Variants in OSBPL1A observed in about 807,000 individuals in gnomAD.
The protein encoded by OSBPL1A is oxysterol-binding protein-related protein 1.
OSBPL1A carries 80 observed loss-of-function variants against 137.1 expected under a neutral mutation model. That is an observed-to-expected ratio of 0.58 (90% confidence interval 0.49 to 0.70). OSBPL1A has a LOEUF of 0.70. Among genes scored for constraint, OSBPL1A ranks in the 30% least tolerant of loss-of-function variants. The pLI is 0.00. For synonymous variants in OSBPL1A, 365 were observed against 389.7 expected (o/e 0.94, Z 0.75); for missense variants, 970 against 1,129.4 (o/e 0.86, Z 2.02).
At chr18:24,363,129 TAG>T (rs1358250099) in intron 4 of OSBPL1A, among the ~76,000 whole-genome samples, 2 of 152,232 alleles carry the variant, frequency 1.3e-5, no homozygotes, top group East Asian at 3.8e-4. Flanking sequence ...CTTTTTCTAT[TAG>T]AGTGTCTAGC....
chr18:24,318,651 A>T lies in OSBPL1A; in HGVS notation c.688-6T>A. 1.2e-6 allele frequency: 2 copies of T among 1,609,320 alleles called. No individual in the cohort carries two copies. Among genetic ancestry groups the T allele is most frequent in the Non-Finnish European group, 1.7e-6 (2 of 1,179,012 alleles). On this transcript the variant is annotated splice_polypyrimidine_tract_variant and splice_region_variant and intron_variant, in intron 8 of 27. Transcript: ENST00000319481. ...TTCAATGCTTTGTAGATGACCTGTC[A>T]AAAACATGTTTTCATGAAAAATGCA...
intron 4 of OSBPL1A, among the ~76,000 whole-genome samples, chr18:24,347,045 C>G (rs1489264706): frequency 6.6e-6 from 1 of 152,070 alleles, no homozygotes; most frequent in Non-Finnish European, 1.5e-5. Flanking sequence ...CCACCAAACT[C>G]AGTCTCTCCT....
At chr18:24,195,951 A>G in intron 18 of OSBPL1A, 174 bp downstream of exon 18, 1 of 594,834 alleles carries the variant, frequency 1.7e-6, no homozygotes, top group Non-Finnish European at 3.0e-6. Flanking sequence ...CCATTAGAGC[A>G]GCTCAAATTC....
At position 24,225,148 on chromosome 18, in the gene OSBPL1A, A is replaced by G; in HGVS notation, c.1495T>C (p.Ser499Pro). 6.2e-7 allele frequency: 1 copy of G among 1,614,136 alleles called. No homozygotes were observed. Among genetic ancestry groups the G allele is most frequent in the Non-Finnish European group, 8.5e-7 (1 of 1,180,008 alleles). The change falls in exon 17 of 28, where the codon TCC becomes CCC. Residue 499 changes from serine (S) to proline (P), a missense_variant. Coordinates refer to ENST00000319481, the MANE Select transcript of OSBPL1A (RefSeq NM_080597.4). ...AAATGCTCTCCTTCCTCTTCAAAGG[A>G]GCGTGCTGTCACTGCTTCCAATCTA... ...LSRLEAVTAR[S>P]FEEEGEHLGS...
At chr18:24,269,691 CAAAATTAATCAG>C (rs1447950338) in intron 15 of OSBPL1A, among the ~76,000 whole-genome samples, 1 of 152,080 alleles carries the variant, frequency 6.6e-6, no homozygotes, top group Non-Finnish European at 1.5e-5. Flanking sequence ...ATAACTCATG[CAAAATTAATCAG>C]AGTACAAGCC....
At chr18:24,318,941 C>G (rs570145527) in intron 7 of OSBPL1A, 132 bp from the exon 8 acceptor site, 5 of 771,588 alleles carry the variant, frequency 6.5e-6, no homozygotes, top group Non-Finnish European at 1.1e-5. Context: ...AGAAAATTAC[C>G]TACCAGAGAG....
At chr18:24,231,763 T>A (rs1227975386) in intron 16 of OSBPL1A, among the ~76,000 whole-genome samples, 1 of 152,264 alleles carries the variant, frequency 6.6e-6, no homozygotes, top group Non-Finnish European at 1.5e-5. Context: ...TGCTCCTTTT[T>A]GTAATTGAGT....
intron 15 of OSBPL1A, chr18:24,272,074 G>A: frequency 5.1e-6 from 5 of 982,330 alleles, no homozygotes; most frequent in Non-Finnish European, 6.0e-6. Context: ...GCCGCTGGCG[G>A]GCGGAGGCGC....
At chr18:24,210,208 T>C (rs2087493620) in intron 17 of OSBPL1A, among the ~76,000 whole-genome samples, 1 of 152,010 alleles carries the variant, frequency 6.6e-6, no homozygotes, top group African/African-American at 2.4e-5. Flanking sequence ...AGGTGGATCA[T>C]GAGGTCAGGA....
intron 16 of OSBPL1A, among the ~76,000 whole-genome samples, chr18:24,228,319 T>A (rs2088156822): frequency 7.2e-6 from 1 of 138,310 alleles, no homozygotes; most frequent in African/African-American, 2.7e-5. Flanking sequence ...TTACTCCTCC[T>A]CTATACTTTG....
intron 16 of OSBPL1A, among the ~76,000 whole-genome samples, chr18:24,231,010 G>A (rs577471255): frequency 3.6e-4 from 55 of 152,146 alleles, no homozygotes; most frequent in Non-Finnish European, 2.4e-4. Flanking sequence ...ACAGCTGCTC[G>A]GCAGGCTGAG....
chr18:24,206,562 C>A (rs999329423), intron 17 of OSBPL1A, among the ~76,000 whole-genome samples: 1 of 152,132 alleles, frequency 6.6e-6, no homozygotes, highest in Admixed American at 6.5e-5. Context: ...AATTTTACTG[C>A]GCCTTAAACA....
intron 4 of OSBPL1A, among the ~76,000 whole-genome samples, chr18:24,365,873 G>T (rs928038546): frequency 6.6e-6 from 1 of 152,022 alleles, no homozygotes; most frequent in Non-Finnish European, 1.5e-5. Context: ...ACCAAATATG[G>T]GTGGGGGCAG....
intron 18 of OSBPL1A, among the ~76,000 whole-genome samples, chr18:24,184,105 G>T (rs894952396): frequency 5.3e-5 from 8 of 152,186 alleles, no homozygotes; most frequent in African/African-American, 1.9e-4. Context: ...GACATACCAT[G>T]AACTATTTAA....
At chr18:24,320,480 A>G (rs1392285113) in intron 7 of OSBPL1A, among the ~76,000 whole-genome samples, 1 of 152,130 alleles carries the variant, frequency 6.6e-6, no homozygotes, top group Admixed American at 6.6e-5. Context: ...GCCTTGTGAA[A>G]ATACAGGGAA....
At chr18:24,317,587 T>C (rs1221310938) in intron 9 of OSBPL1A, among the ~76,000 whole-genome samples, 187 bp from the exon 10 acceptor site, 1 of 151,904 alleles carries the variant, frequency 6.6e-6, no homozygotes, top group Admixed American at 6.6e-5. Flanking sequence ...CACTACAGGG[T>C]GACAGGAACA....
intron 7 of OSBPL1A, among the ~76,000 whole-genome samples, chr18:24,324,273 G>A (rs2146129848): frequency 1.5e-5 from 1 of 64,542 alleles, no homozygotes; most frequent in East Asian, 2.2e-4. Context: ...ACCTGTTCTG[G>A]GCCAACAATG....
chr18:24,375,696 A>C (rs1415499115), intron 2 of OSBPL1A, among the ~76,000 whole-genome samples: 1 of 152,168 alleles, frequency 6.6e-6, no homozygotes, highest in Non-Finnish European at 1.5e-5. Flanking sequence ...TGTAATGCAG[A>C]CTAGTCTGAT....
At chr18:24,351,347 C>CAAAAAAAAA (rs1172514692) in intron 4 of OSBPL1A, among the ~76,000 whole-genome samples, 29 of 35,752 alleles carry the variant, frequency 8.1e-4, no homozygotes, top group Admixed American at 1.7e-3. Flanking sequence ...GACTCTGTCT[C>CAAAAAAAAA]AAAAAAAAAA....
Sources: gnomAD v4.1 joint callset for allele counts (sites outside exome capture counted in the v4.1 genomes callset) on GRCh38, gnomAD v4.1.1 for gene constraint, MANE v1.5 for transcripts, NCBI Gene and HGNC (gene_info 2026-07-23, HGNC 2026-07-21) for gene names.